TASP1: variants seen among roughly 807,000 people sequenced by gnomAD.
The protein encoded by TASP1 is threonine aspartase 1.
TASP1 carries 16 observed loss-of-function variants against 56.6 expected under a neutral mutation model. The observed-to-expected ratio is 0.28, with a 90% CI of 0.19 to 0.43. The LOEUF (loss-of-function observed/expected upper bound fraction) is 0.43. TASP1 is among the 20% of genes least tolerant of loss of function. The probability of loss-of-function intolerance (pLI) is 1.00; values close to 1 mark genes in which losing one functional copy is unlikely to be tolerated. For missense variants in TASP1, 393 were observed against 511.6 expected (o/e 0.77, Z 2.24); for synonymous variants, 179 against 184.2 (o/e 0.97, Z 0.23).
intron 8 of TASP1, among the ~76,000 whole-genome samples, chr20:13,536,558 G>T (rs967362313): frequency 5.3e-4 from 80 of 152,234 alleles, no homozygotes; most frequent in African/African-American, 1.9e-3. Flanking sequence ...GAGAAGTCAA[G>T]AAAGGGTATT....
intron 8 of TASP1, among the ~76,000 whole-genome samples, chr20:13,550,161 C>A (rs1359869795): frequency 1.3e-5 from 2 of 151,044 alleles, no homozygotes; most frequent in Non-Finnish European, 1.5e-5. Context: ...CACACACACA[C>A]ACACACACAC....
chr20:13,136,336 C>T, the TASP1 span, among the ~76,000 whole-genome samples: 4 of 152,078 alleles, frequency 2.6e-5, no homozygotes, highest in African/African-American at 7.2e-5. Flanking sequence ...GTGGCTCACA[C>T]CTGTAATTCC....
the TASP1 span, among the ~76,000 whole-genome samples, chr20:13,297,193 A>T: frequency 6.6e-6 from 1 of 152,156 alleles, no homozygotes; most frequent in Non-Finnish European, 1.5e-5. Context: ...GTTCTTTGCA[A>T]TAAGCTGTTT....
chr20:13,352,311 G>A, the TASP1 span, among the ~76,000 whole-genome samples: 27 of 152,110 alleles, frequency 1.8e-4, no homozygotes, highest in African/African-American at 4.6e-4. Context: ...GTAGCCAGGC[G>A]TGGTGGAGCA....
intron 11 of TASP1, among the ~76,000 whole-genome samples, chr20:13,452,412 T>TAAA (rs2043656874): frequency 2.2e-5 from 3 of 135,390 alleles, no homozygotes; most frequent in Non-Finnish European, 3.1e-5. Context: ...TACACATACA[T>TAAA]TAAAAAAAAA....
intron 12 of TASP1, among the ~76,000 whole-genome samples, chr20:13,431,037 A>G (rs1418847803): frequency 6.6e-6 from 1 of 152,192 alleles, no homozygotes; most frequent in East Asian, 1.9e-4. Context: ...GAGAAAAGAA[A>G]GTGGACACAG....
At chr20:13,354,533 C>T in the TASP1 span, among the ~76,000 whole-genome samples, 26 of 152,064 alleles carry the variant, frequency 1.7e-4, no homozygotes, top group African/African-American at 6.3e-4. Context: ...AGACAAATTA[C>T]AAATAATTGT....
the TASP1 span, among the ~76,000 whole-genome samples, chr20:13,337,810 G>A: frequency 3.3e-5 from 5 of 152,234 alleles, no homozygotes; most frequent in Non-Finnish European, 7.3e-5. Context: ...TAAGCTTTGA[G>A]TGTGGCTCTG....
chr20:13,192,403 G>A, the TASP1 span, among the ~76,000 whole-genome samples: 4 of 152,098 alleles, frequency 2.6e-5, no homozygotes, highest in African/African-American at 9.7e-5. Flanking sequence ...AGCCCAGTAC[G>A]GTGGCAGGTG....
At chr20:13,545,777 T>C (rs979366091) in intron 8 of TASP1, among the ~76,000 whole-genome samples, 1 of 152,184 alleles carries the variant, frequency 6.6e-6, no homozygotes, top group Non-Finnish European at 1.5e-5. Context: ...GCTTCTGAGT[T>C]TGAAACCACT....
intron 11 of TASP1, among the ~76,000 whole-genome samples, chr20:13,458,193 C>T (rs1024853402): frequency 4.6e-5 from 7 of 151,936 alleles, no homozygotes; most frequent in Admixed American, 6.6e-5. Context: ...ATTTCAAAAC[C>T]GCACACTTAT....
At chr20:13,520,583 A>C (rs1331735849) in intron 10 of TASP1, among the ~76,000 whole-genome samples, 1 of 152,228 alleles carries the variant, frequency 6.6e-6, no homozygotes, top group Non-Finnish European at 1.5e-5. Context: ...TAGAAGGCTG[A>C]AACTGGATCC....
chr20:13,541,692 A>T (rs2045628014), intron 8 of TASP1, among the ~76,000 whole-genome samples: 1 of 152,108 alleles, frequency 6.6e-6, no homozygotes, highest in Non-Finnish European at 1.5e-5. Flanking sequence ...CACCCAGAAA[A>T]GCCCTTGACA....
At chr20:13,510,474 T>C (rs1285962927) in intron 10 of TASP1, among the ~76,000 whole-genome samples, 1 of 152,192 alleles carries the variant, frequency 6.6e-6, no homozygotes, top group African/African-American at 2.4e-5. Flanking sequence ...ATTTGATTTT[T>C]CAAAACAAAA....
the TASP1 span, among the ~76,000 whole-genome samples, chr20:13,310,173 C>G: frequency 2.0e-5 from 3 of 152,116 alleles, no homozygotes; most frequent in African/African-American, 7.2e-5. Flanking sequence ...AAGTATAACA[C>G]TATATGTCAA....
At chr20:13,120,931 G>A in the TASP1 span, among the ~76,000 whole-genome samples, 1 of 152,194 alleles carries the variant, frequency 6.6e-6, no homozygotes, top group African/African-American at 2.4e-5. Context: ...CTAACATGGA[G>A]GAGTCTGTCC....
the TASP1 span, among the ~76,000 whole-genome samples, chr20:13,332,720 C>T: frequency 6.6e-6 from 1 of 152,122 alleles, no homozygotes; most frequent in African/African-American, 2.4e-5. Context: ...CTACCTTTTC[C>T]ACTCTATGTC....
the TASP1 span, among the ~76,000 whole-genome samples, chr20:13,126,891 A>C: frequency 6.6e-6 from 1 of 152,276 alleles, no homozygotes; most frequent in African/African-American, 2.4e-5. Context: ...ACCCTTTGTT[A>C]AAGCAAAGAA....
the TASP1 span, among the ~76,000 whole-genome samples, chr20:13,326,371 AT>A: frequency 5.9e-5 from 9 of 152,262 alleles, no homozygotes; most frequent in Non-Finnish European, 1.3e-4. Context: ...GTATATGTAT[AT>A]ATTCGATTTA....
Sources: gnomAD v4.1 joint callset for allele counts (sites outside exome capture counted in the v4.1 genomes callset) on GRCh38, gnomAD v4.1.1 for gene constraint, MANE v1.5 for transcripts, NCBI Gene and HGNC (gene_info 2026-07-23, HGNC 2026-07-21) for gene names.